CHST9: variants seen among roughly 807,000 people sequenced by gnomAD.
The protein encoded by CHST9 is GalNAc-4-sulfotransferase 2.
In CHST9, 41 loss-of-function variants were observed where a neutral mutation model predicts 44.4. The observed-to-expected ratio is 0.92, with a 90% confidence interval of 0.72 to 1.20. The LOEUF (loss-of-function observed/expected upper bound fraction) is 1.20. CHST9 is among the 50% of genes most tolerant of loss of function. The probability of loss-of-function intolerance (pLI) is 0.00; values close to 1 mark genes in which losing one functional copy is unlikely to be tolerated. For missense variants in CHST9, 504 were observed against 516.5 expected, an observed-to-expected ratio of 0.98 and a Z score of 0.23; for synonymous variants, 171 against 178.4, an observed-to-expected ratio of 0.96 and a Z score of 0.33.
At chr18:26,925,497 A>G (rs2055749438) in intron 5 of CHST9, among the ~76,000 whole-genome samples, 1 of 152,238 alleles carries the variant, frequency 6.6e-6, no homozygotes. Context: ...TGCATCATAT[A>G]TCAAGCAATC....
intron 4 of CHST9, among the ~76,000 whole-genome samples, chr18:26,972,381 A>G (rs1040908404): frequency 2.7e-5 from 4 of 145,894 alleles, no homozygotes; most frequent in African/African-American, 1.0e-4. Context: ...AAAAAAAAAA[A>G]GGAAGAAAAA....
chr18:27,064,531 A>T (rs940485750), intron 2 of CHST9, among the ~76,000 whole-genome samples: 17 of 152,258 alleles, frequency 1.1e-4, no homozygotes, highest in African/African-American at 3.9e-4. Flanking sequence ...CTAGGCATTC[A>T]GATGATGCCC....
Position 26,916,409 on chromosome 18 carries a change from G to C in CHST9, c.1182C>G (p.Asn394Lys). 2 of 1,613,766 alleles carry C rather than the reference G, an allele frequency of 1.2e-6. No homozygotes were observed. Among genetic ancestry groups the C allele is most frequent in the Non-Finnish European group, 1.7e-6 (2 of 1,179,742 alleles). The change falls in exon 6 of 6, where the codon AAC (asparagine) becomes AAG (lysine). Residue 394 changes from asparagine to lysine, a missense_variant. By Grantham distance (94) the Asn-to-Lys change is moderately conservative. Transcript: ENST00000618847. ...CATCGGAAGAGTGCCTATCCTTAAAGTTGGGAAATTTCAGCTCCTTTGGAG... is the reference window on the plus strand; with the variant it reads ...CATCGGAAGAGTGCCTATCCTTAAACTTGGGAAATTTCAGCTCCTTTGGAG... ...IGAPKELKFP[N>K]FKDRHSSDER...
intron 3 of CHST9, among the ~76,000 whole-genome samples, chr18:27,031,542 T>C (rs1315727824): frequency 6.6e-6 from 1 of 152,214 alleles, no homozygotes; most frequent in Non-Finnish European, 1.5e-5. Context: ...CTGGTATCCC[T>C]GGCTTCAGCA....
chr18:27,110,461 ACT>A (rs778207131), intron 2 of CHST9, among the ~76,000 whole-genome samples: 1 of 152,126 alleles, frequency 6.6e-6, no homozygotes, highest in Non-Finnish European at 1.5e-5. Flanking sequence ...CAGGCTAGTT[ACT>A]CTCTGGGCCA....
At chr18:27,093,941 A>G (rs1469810041) in intron 2 of CHST9, among the ~76,000 whole-genome samples, 1 of 152,140 alleles carries the variant, frequency 6.6e-6, no homozygotes, top group African/African-American at 2.4e-5. Flanking sequence ...ATGCTACTCA[A>G]ACATAAAAAG....
chr18:27,133,093 A>G (rs924689287), intron 2 of CHST9, among the ~76,000 whole-genome samples: 1 of 152,298 alleles, frequency 6.6e-6, no homozygotes, highest in Middle Eastern at 3.4e-3. Context: ...TACTGTGCTC[A>G]TCATGTGTGG....
chr18:27,001,171 A>G (rs2056948514), intron 4 of CHST9, among the ~76,000 whole-genome samples: 1 of 152,200 alleles, frequency 6.6e-6, no homozygotes, highest in Non-Finnish European at 1.5e-5. Flanking sequence ...GATACAAAAC[A>G]TAATGTAGGA....
At chr18:26,997,291 AG>A (rs1260206293) in intron 4 of CHST9, among the ~76,000 whole-genome samples, 1 of 152,232 alleles carries the variant, frequency 6.6e-6, no homozygotes, top group African/African-American at 2.4e-5. Context: ...AAGTAGAGAA[AG>A]TGTTATTATT....
chr18:26,971,532 T>C (rs574408198), intron 4 of CHST9, among the ~76,000 whole-genome samples: 90 of 152,342 alleles, frequency 5.9e-4, no homozygotes, highest in African/African-American at 2.1e-3. Context: ...TTTATCATAC[T>C]CTATGTCCTT....
intron 1 of CHST9, among the ~76,000 whole-genome samples, chr18:27,159,969 G>C (rs1267602565): frequency 6.6e-6 from 1 of 152,196 alleles, no homozygotes; most frequent in East Asian, 1.9e-4. Flanking sequence ...TGTATCCTGA[G>C]ATTTTGCTGA....
At chr18:26,956,291 G>A (rs1212663426) in intron 4 of CHST9, among the ~76,000 whole-genome samples, 24 of 137,252 alleles carry the variant, frequency 1.7e-4, no homozygotes, top group African/African-American at 6.5e-4. Flanking sequence ...CAGCCTGGGC[G>A]ACAGAGTGAG....
At chr18:26,972,371 A>G (rs2056559636) in intron 4 of CHST9, among the ~76,000 whole-genome samples, 1 of 151,388 alleles carries the variant, frequency 6.6e-6, no homozygotes, top group Non-Finnish European at 1.5e-5. Context: ...AAAAAAAAAA[A>G]AAAAAAAAAA....
At chr18:26,958,508 AAAGAGCTTC>A (rs1358489252) in intron 4 of CHST9, among the ~76,000 whole-genome samples, 4 of 152,148 alleles carry the variant, frequency 2.6e-5, no homozygotes, top group Non-Finnish European at 5.9e-5. Flanking sequence ...TAGTTAAACT[AAAGAGCTTC>A]AAGAAACCAT....
chr18:27,126,552 A>G (rs1379922521), intron 2 of CHST9, among the ~76,000 whole-genome samples: 1 of 152,164 alleles, frequency 6.6e-6, no homozygotes, highest in Non-Finnish European at 1.5e-5. Context: ...GAGAGATCTG[A>G]TGGTCAGTTG....
In CHST9 at chr18:26,917,196, A is replaced by G; in HGVS notation, c.395T>C (p.Leu132Ser). 1 of 1,613,894 alleles carries G rather than the reference A, an allele frequency of 6.2e-7. No individual in the cohort carries two copies. The highest frequency in any genetic ancestry group is 8.5e-7 in the Non-Finnish European group (1 of 1,179,862). The change falls in exon 6 of 6, where the codon TTG becomes TCG. Residue 132 changes from leucine to serine, a missense_variant. By Grantham distance (145) the Leu-to-Ser change is moderately radical. Coordinates refer to ENST00000618847, the MANE Select transcript of CHST9 (RefSeq NM_031422.6). ...CTTAGCTCCTTGACGTTTTTCAATC[A>G]ACTTCTCTGTTGGTGACCCTGTGGA... Reference protein sequence around the residue: ...SKSTGSPTEKLIEKRQGAKTV... With the variant: ...SKSTGSPTEKSIEKRQGAKTV...
intron 1 of CHST9, among the ~76,000 whole-genome samples, chr18:27,181,716 G>A (rs1202512584): frequency 6.6e-6 from 1 of 152,180 alleles, no homozygotes; most frequent in Non-Finnish European, 1.5e-5. Context: ...TACATGTAAA[G>A]TGGGATTGAA....
intron 2 of CHST9, among the ~76,000 whole-genome samples, chr18:27,138,681 A>G (rs2058538086): frequency 6.6e-6 from 1 of 152,186 alleles, no homozygotes; most frequent in Admixed American, 6.5e-5. Context: ...GCCAGGCACC[A>G]TGCTGAGTGC....
chr18:27,066,495 T>C (rs60082957), intron 2 of CHST9, among the ~76,000 whole-genome samples: 4,550 of 152,330 alleles, frequency 0.03, 89 homozygotes, highest in East Asian at 0.072. Context: ...TTTCCATTTG[T>C]TGCCCAGGTT....
Sources: gnomAD v4.1 joint callset for allele counts (sites outside exome capture counted in the v4.1 genomes callset) on GRCh38, gnomAD v4.1.1 for gene constraint, MANE v1.5 for transcripts, NCBI Gene and HGNC (gene_info 2026-07-23, HGNC 2026-07-21) for gene names.